ASTN2: variants seen among roughly 807,000 people sequenced by gnomAD.
ASTN2 encodes astrotactin-2.
A neutral mutation model predicts 139.8 loss-of-function variants in ASTN2; 54 were observed. The ratio of observed to expected loss-of-function variants is 0.39; its 90% confidence interval spans 0.31 to 0.48. ASTN2 has a LOEUF of 0.48. Ranked by LOEUF, ASTN2 falls within the 20% of genes least tolerant of loss-of-function variation. The pLI is 0.95. For missense variants in ASTN2, 1,565 were observed against 1,725.1 expected (o/e 0.91, Z 1.64); for synonymous variants, 756 against 719.5 (o/e 1.05, Z -0.81).
intron 5 of ASTN2, among the ~76,000 whole-genome samples, chr9:117,094,365 A>G (rs1424550540): frequency 6.6e-6 from 1 of 152,120 alleles, no homozygotes; most frequent in African/African-American, 2.4e-5. Flanking sequence ...TTGAACTCCA[A>G]TTTATAGGGG....
In ASTN2 at chr9:117,159,361, A is replaced by T. The variant is rs559907970; in HGVS notation, c.1016-17883T>A. Among the ~76,000 whole-genome samples the T allele has an allele frequency of 3.3e-5, 5 of 152,128 alleles. No homozygotes were observed. In the East Asian group the frequency reaches 9.7e-4, roughly 30 times the overall value. ...ACTATCCAACTAGTGCTGCATGCTT[A>T]TTCTAATTTCTCAAGCGAAAAAGAA... On this transcript the variant is annotated intron_variant, in intron 3 of 22. Coordinates refer to ENST00000313400, the MANE Select transcript of ASTN2 (RefSeq NM_001365068.1).
chr9:116,687,176 A>C, intron 16 of ASTN2: 1 of 1,061,526 alleles, frequency 9.4e-7, no homozygotes. Context: ...TCTCAGAGGA[A>C]AGCTCACCCC....
intron 4 of ASTN2, among the ~76,000 whole-genome samples, chr9:117,120,036 ATATATATATATATACCCTGAG>A (rs1306356344): frequency 8.3e-6 from 1 of 120,564 alleles, no homozygotes; most frequent in East Asian, 2.3e-4. Flanking sequence ...ATATATATAT[ATATATATATATATACCCTGAG>A]TATATATACT....
chr9:117,075,431 C>G (rs546524131), intron 5 of ASTN2, among the ~76,000 whole-genome samples: 1 of 150,272 alleles, frequency 6.7e-6, no homozygotes, highest in Admixed American at 6.6e-5. Flanking sequence ...ACCAAGAAGG[C>G]TCATGAATCC....
chr9:116,840,369 C>T (rs1395677161), intron 11 of ASTN2, among the ~76,000 whole-genome samples: 1 of 151,144 alleles, frequency 6.6e-6, no homozygotes, highest in African/African-American at 2.4e-5. Context: ...GTCATCCTGG[C>T]CTGTTCTCAA....
chr9:116,644,297 T>G (rs1857484452), intron 17 of ASTN2, among the ~76,000 whole-genome samples: 2 of 152,158 alleles, frequency 1.3e-5, no homozygotes, highest in Non-Finnish European at 2.9e-5. Context: ...ACCACAAGAC[T>G]AGAATTACAC....
At chr9:117,274,558 C>T (rs1834141115) in intron 2 of ASTN2, among the ~76,000 whole-genome samples, 1 of 152,216 alleles carries the variant, frequency 6.6e-6, no homozygotes, top group Non-Finnish European at 1.5e-5. Context: ...TCATTCCACA[C>T]AATCTTTGAA....
intron 13 of ASTN2, among the ~76,000 whole-genome samples, chr9:116,803,480 TAATATA>T (rs1830924215): frequency 2.2e-5 from 2 of 91,692 alleles, no homozygotes; most frequent in Admixed American, 2.6e-4. Context: ...CAAGTTCGAA[TAATATA>T]TATATATATA....
At chr9:116,571,005 T>C (rs1853483743) in intron 19 of ASTN2, among the ~76,000 whole-genome samples, 1 of 152,142 alleles carries the variant, frequency 6.6e-6, no homozygotes, top group African/African-American at 2.4e-5. Context: ...CTTTGCAACA[T>C]TTGCTGCCTA....
intron 19 of ASTN2, among the ~76,000 whole-genome samples, chr9:116,549,577 A>G (rs920420327): frequency 1.3e-5 from 2 of 152,206 alleles, no homozygotes; most frequent in African/African-American, 4.8e-5. Context: ...AGGAGGCAGG[A>G]TAGATGCTCT....
chr9:116,913,261 G>A (rs1834363502), intron 10 of ASTN2, among the ~76,000 whole-genome samples: 1 of 152,140 alleles, frequency 6.6e-6, no homozygotes, highest in Non-Finnish European at 1.5e-5. Flanking sequence ...AAATAAGAAT[G>A]AGAACACACT....
At chr9:116,505,718 T>C (rs921261812) in intron 19 of ASTN2, among the ~76,000 whole-genome samples, 2 of 152,172 alleles carry the variant, frequency 1.3e-5, no homozygotes, top group African/African-American at 2.4e-5. Context: ...TTCATATCCA[T>C]CAACTCCTAG....
chr9:116,558,876 T>C (rs1384363518), intron 19 of ASTN2, among the ~76,000 whole-genome samples: 1 of 152,188 alleles, frequency 6.6e-6, no homozygotes, highest in African/African-American at 2.4e-5. Flanking sequence ...AAATAAATTA[T>C]CTAAATGGCC....
At chr9:116,748,698 C>T (rs1020979702) in intron 13 of ASTN2, among the ~76,000 whole-genome samples, 3 of 152,130 alleles carry the variant, frequency 2.0e-5, no homozygotes, top group Non-Finnish European at 4.4e-5. Flanking sequence ...AGGGTGAAGG[C>T]GACTGACTCT....
intron 10 of ASTN2, among the ~76,000 whole-genome samples, chr9:116,868,341 G>A (rs551210253): frequency 1.3e-5 from 2 of 152,184 alleles, no homozygotes; most frequent in Non-Finnish European, 2.9e-5. Flanking sequence ...GTGATGCAGT[G>A]AGGCCAGGCT....
intron 11 of ASTN2, among the ~76,000 whole-genome samples, chr9:116,827,444 A>G (rs2416580): frequency 0.79 from 120,555 of 151,922 alleles, 48,046 homozygotes; most frequent in East Asian, 0.91. Flanking sequence ...CAAAGGATCA[A>G]TGAAATGAAA....
At chr9:117,116,717 C>T (rs1829401401) in intron 4 of ASTN2, among the ~76,000 whole-genome samples, 1 of 151,252 alleles carries the variant, frequency 6.6e-6, no homozygotes, top group South Asian at 2.1e-4. Context: ...GTGCCTGCCT[C>T]CATGGCCTAA....
At chr9:117,170,626 G>A (rs535665488) in intron 3 of ASTN2, among the ~76,000 whole-genome samples, 3 of 152,216 alleles carry the variant, frequency 2.0e-5, no homozygotes, top group African/African-American at 4.8e-5. Flanking sequence ...GAAGGCCTGG[G>A]GAGACCTTAT....
chr9:117,319,679 A>G (rs1828264061), intron 1 of ASTN2, among the ~76,000 whole-genome samples: 1 of 151,184 alleles, frequency 6.6e-6, no homozygotes, highest in African/African-American at 2.4e-5. Flanking sequence ...CAAGTGATCC[A>G]CCTGCCTTGG....
Sources: allele counts gnomAD v4.1 joint callset (sites outside exome capture counted in the v4.1 genomes callset), GRCh38; gene constraint gnomAD v4.1.1; transcripts MANE v1.5; gene names NCBI Gene and HGNC (gene_info 2026-07-23, HGNC 2026-07-21).